PEAK1: variants seen among roughly 807,000 people sequenced by gnomAD.
The protein encoded by PEAK1 is pseudopodium enriched atypical kinase 1.
In PEAK1, 54 loss-of-function variants were observed where a neutral mutation model predicts 124.7. That is an observed-to-expected ratio of 0.43 (90% CI 0.35 to 0.54). The LOEUF is 0.54. Among genes scored for constraint, PEAK1 ranks in the 20% least tolerant of loss-of-function variants. The probability of loss-of-function intolerance (pLI) is 0.01; values close to 1 mark genes in which losing one functional copy is unlikely to be tolerated. For synonymous variants in PEAK1, 719 were observed against 760.0 expected, an observed-to-expected ratio of 0.95 and a Z score of 0.89; for missense variants, 2,046 against 2,134.5, an observed-to-expected ratio of 0.96 and a Z score of 0.82.
At chr15:77,268,642 C>A (rs946957767) in intron 5 of PEAK1, among the ~76,000 whole-genome samples, 1 of 151,880 alleles carries the variant, frequency 6.6e-6, no homozygotes, top group Non-Finnish European at 1.5e-5. Flanking sequence ...ATCTAGACAT[C>A]CAAATACAAA....
chr15:77,247,356 G>T (rs187883069), intron 6 of PEAK1, among the ~76,000 whole-genome samples: 1 of 152,022 alleles, frequency 6.6e-6, no homozygotes, highest in Non-Finnish European at 1.5e-5. Flanking sequence ...TTACTAGGCT[G>T]AGGAAATTCC....
At chr15:77,151,276 T>A (rs2054600545) in intron 8 of PEAK1, among the ~76,000 whole-genome samples, 1 of 151,906 alleles carries the variant, frequency 6.6e-6, no homozygotes, top group African/African-American at 2.4e-5. Flanking sequence ...ATGATGAGCA[T>A]TTTTTCATGT....
At chr15:77,375,992 C>T (rs953924785) in intron 1 of PEAK1, among the ~76,000 whole-genome samples, 9 of 147,354 alleles carry the variant, frequency 6.1e-5, no homozygotes, top group Non-Finnish European at 1.3e-4. Flanking sequence ...GAGCGAGACT[C>T]CGTCTCAAAA....
chr15:77,143,075 T>C (rs978924126), intron 8 of PEAK1, among the ~76,000 whole-genome samples: 2 of 152,196 alleles, frequency 1.3e-5, no homozygotes, highest in African/African-American at 4.8e-5. Context: ...TCTGTGCCCT[T>C]AACTAAGGAT....
At chr15:77,171,733 T>G (rs1406617399) in intron 7 of PEAK1, among the ~76,000 whole-genome samples, 1 of 152,204 alleles carries the variant, frequency 6.6e-6, no homozygotes, top group African/African-American at 2.4e-5. Flanking sequence ...ATGGATATGC[T>G]AATTTCCCTG....
intron 1 of PEAK1, among the ~76,000 whole-genome samples, chr15:77,368,759 G>A (rs1428968085): frequency 6.6e-6 from 1 of 152,142 alleles, no homozygotes; most frequent in Non-Finnish European, 1.5e-5. Flanking sequence ...TTCATGTTCA[G>A]CAGTGAGTGT....
chr15:77,418,041 T>G lies in PEAK1; in HGVS notation c.-666+1965A>C, dbSNP rs915841305. ...TTTAATGTGATTGTCGGCAAACAGT[T>G]ATGAAGTGGCATTATTTCTTCATGG... On this transcript the variant is annotated intron_variant, in intron 1 of 9. Transcript: ENST00000682557. The G allele has an allele frequency of 3.5e-5, 34 of 981,606 alleles. No homozygotes were observed. The African/African-American group carries it at 4.7e-4, about 14-fold the overall frequency. 60.8% of individuals were successfully genotyped at this position (981,606 alleles called of 1,614,324 possible).
chr15:77,409,186 G>C (rs2072190178), intron 1 of PEAK1, among the ~76,000 whole-genome samples: 1 of 151,616 alleles, frequency 6.6e-6, no homozygotes, highest in African/African-American at 2.4e-5. Context: ...AACAATAAAA[G>C]TGCTCCTGTC....
rs775412250 is a variant in PEAK1, at chr15:77,179,021, T to C, written c.2906A>G (p.Gln969Arg). 1.9e-6 allele frequency: 3 copies of C among 1,614,166 alleles called. No individual in the cohort carries two copies. The highest frequency in any genetic ancestry group is 1.7e-6 in the Non-Finnish European group (2 of 1,180,034). The change falls in exon 7 of 10, where the codon CAG becomes CGG. Residue 969 changes from glutamine to arginine, a missense_variant. Physicochemically the swap from Gln to Arg is conservative, Grantham distance 43. Coordinates refer to ENST00000682557, the MANE Select transcript of PEAK1 (RefSeq NM_001385026.1). ...VIHMLPPPPV[Q>R]RHHWFTEAKG... is the part of the protein sequence containing the mutation. ...CGCCTCTGTGAACCAGTGATGGCGCTGAACTGGAGGAGGAGGCAGCATGTG... is the reference window on the plus strand; with the variant it reads ...CGCCTCTGTGAACCAGTGATGGCGCCGAACTGGAGGAGGAGGCAGCATGTG...
At chr15:77,346,979 G>C (rs1357710551) in intron 2 of PEAK1, among the ~76,000 whole-genome samples, 1 of 152,218 alleles carries the variant, frequency 6.6e-6, no homozygotes, top group African/African-American at 2.4e-5. Context: ...AATTTACAGT[G>C]AGTTGTCAAG....
At chr15:77,163,557 AT>A (rs1340619446) in intron 7 of PEAK1, among the ~76,000 whole-genome samples, 1 of 152,224 alleles carries the variant, frequency 6.6e-6, no homozygotes, top group Non-Finnish European at 1.5e-5. Context: ...TTCAAGACAG[AT>A]TTTTGTAAAA....
chr15:77,280,912 A>T (rs929345389), intron 5 of PEAK1, among the ~76,000 whole-genome samples: 2 of 152,160 alleles, frequency 1.3e-5, no homozygotes, highest in African/African-American at 4.8e-5. Context: ...TAATCCCAGC[A>T]CTTTGGGAGG....
chr15:77,383,084 T>C (rs559100805), intron 1 of PEAK1, among the ~76,000 whole-genome samples: 88 of 149,852 alleles, frequency 5.9e-4, no homozygotes, highest in Non-Finnish European at 1.0e-3. Flanking sequence ...GCGTAAGTGG[T>C]ATGAGCTCAA....
intron 9 of PEAK1, among the ~76,000 whole-genome samples, chr15:77,121,354 A>G (rs2051900910): frequency 6.6e-6 from 1 of 152,220 alleles, no homozygotes; most frequent in Non-Finnish European, 1.5e-5. Flanking sequence ...AAAAGGCAGC[A>G]TCTGATCCAG....
chr15:77,279,167 C>T (rs896942721), intron 5 of PEAK1, among the ~76,000 whole-genome samples: 2 of 151,552 alleles, frequency 1.3e-5, no homozygotes, highest in African/African-American at 4.9e-5. Context: ...ACACAGAACA[C>T]TTACTGTTGT....
At chr15:77,149,381 G>A (rs1263965273) in intron 8 of PEAK1, among the ~76,000 whole-genome samples, 7 of 152,164 alleles carry the variant, frequency 4.6e-5, no homozygotes, top group African/African-American at 1.2e-4. Context: ...TTTATGGACT[G>A]GTTCTGGAAT....
At chr15:77,171,576 T>C (rs2056507496) in intron 7 of PEAK1, among the ~76,000 whole-genome samples, 2 of 152,114 alleles carry the variant, frequency 1.3e-5, no homozygotes, top group African/African-American at 4.8e-5. Flanking sequence ...GACACAAAAT[T>C]ACAACTAGAT....
chr15:77,419,381 A>G (rs898304577), intron 1 of PEAK1: 2 of 985,206 alleles, frequency 2.0e-6, no homozygotes, highest in East Asian at 1.1e-4. Flanking sequence ...CGGATGGGTC[A>G]AAGGGCAGAA....
intron 6 of PEAK1, among the ~76,000 whole-genome samples, chr15:77,247,493 T>TC (rs2060649854): frequency 2.2e-5 from 3 of 133,404 alleles, no homozygotes; most frequent in African/African-American, 8.4e-5. Context: ...TTCTTTTTTT[T>TC]TTTTTTTTTT....
Sources: allele counts gnomAD v4.1 joint callset (sites outside exome capture counted in the v4.1 genomes callset), GRCh38; gene constraint gnomAD v4.1.1; transcripts MANE v1.5; gene names NCBI Gene and HGNC (gene_info 2026-07-23, HGNC 2026-07-21).